FAM227A: variants seen among roughly 807,000 people sequenced by gnomAD.
FAM227A encodes family with sequence similarity 227 member A.
Under a neutral mutation model 74.7 loss-of-function variants are expected in FAM227A, and 80 were observed. That is an observed-to-expected ratio of 1.07 (90% CI 0.89 to 1.29). The LOEUF is 1.29. Among genes scored for constraint, FAM227A ranks in the 50% most tolerant of loss-of-function variants. FAM227A has a pLI of 0.00. For missense variants in FAM227A, 654 were observed against 683.4 expected (o/e 0.96, Z 0.48); for synonymous variants, 237 against 241.8 (o/e 0.98, Z 0.19).
chr22:38,638,826 C>A lies in FAM227A; in HGVS notation c.296-4G>T, dbSNP rs1696559313. The stretch of plus-strand genomic sequence containing the variant: ...TGAGATTTCCTTTGTCTCTTGACTG[C>A]AGAAAAATGGAGAAAGAGATAAATG... On this transcript the variant is annotated splice_polypyrimidine_tract_variant and splice_region_variant and intron_variant, in intron 4 of 16. Coordinates refer to ENST00000535113, the MANE Select transcript of FAM227A (RefSeq NM_001013647.2). 2.6e-6 allele frequency: 4 copies of A among 1,525,962 alleles called. No individual in the cohort carries two copies. The highest frequency in any genetic ancestry group is 2.6e-6 in the Non-Finnish European group (3 of 1,135,342). The allele number at this position is 1,525,962 out of a possible 1,614,324, so 94.5% of individuals were successfully genotyped here. A position where few individuals can be genotyped will look rare whatever the true frequency, so the allele number is the denominator to read the frequency against.
chr22:38,590,594 A>G (rs755385754), intron 16 of FAM227A, among the ~76,000 whole-genome samples: 1 of 152,186 alleles, frequency 6.6e-6, no homozygotes, highest in Non-Finnish European at 1.5e-5. Context: ...AAGCTGCTAC[A>G]TTCTCCTTCC....
chr22:38,630,115 C>A (rs1603017210), intron 6 of FAM227A, among the ~76,000 whole-genome samples: 1 of 151,366 alleles, frequency 6.6e-6, no homozygotes, highest in East Asian at 1.9e-4. Context: ...ATCACTCACA[C>A]ACAGGTGCCT....
rs745717182 is a variant in FAM227A, at chr22:38,605,353, C to T, written c.1127-5G>A. 103 of 1,517,678 alleles carry T rather than the reference C, an allele frequency of 6.8e-5. No individual in the cohort carries two copies. 94.0% of individuals were successfully genotyped at this position (1,517,678 alleles called of 1,614,324 possible). On this transcript the variant is annotated splice_region_variant and splice_polypyrimidine_tract_variant and intron_variant, in intron 12 of 16. Coordinates refer to ENST00000535113, the MANE Select transcript of FAM227A (RefSeq NM_001013647.2). ...CCAGGGTCTGACAATGATGCTCTGT[C>T]AATGTGACATTAGCAAGAAAATGAC...
chr22:38,599,945 A>G (rs1424011330), intron 13 of FAM227A, 24 bp from the exon 14 acceptor site: 1 of 1,524,144 alleles, frequency 6.6e-7, no homozygotes, highest in Admixed American at 2.2e-5. Flanking sequence ...AAAAAGGAAA[A>G]ATAAAGGATA....
chr22:38,620,296 A>G lies in FAM227A; in HGVS notation c.959-5T>C. The G allele has an allele frequency of 6.5e-7, 1 of 1,547,484 alleles. No individual in the cohort carries two copies. The highest frequency in any genetic ancestry group is 8.7e-7 in the Non-Finnish European group (1 of 1,143,196). ...CAAACAAAGAAAACTCTCTCCCTAT[A>G]GAAGGGGAAAAGCTGTTATTAATTC... On this transcript the variant is annotated splice_region_variant and splice_polypyrimidine_tract_variant and intron_variant, in intron 10 of 16. Transcript: ENST00000535113.
At chr22:38,610,932 C>T (rs1408265635) in intron 11 of FAM227A, among the ~76,000 whole-genome samples, 4 of 152,002 alleles carry the variant, frequency 2.6e-5, no homozygotes, top group Non-Finnish European at 5.9e-5. Context: ...TGGTGGCAGG[C>T]ACCTGTAACC....
At chr22:38,652,876 CAA>C (rs10554372) in intron 1 of FAM227A, among the ~76,000 whole-genome samples, 35,797 of 89,796 alleles carry the variant, frequency 0.4, 4,559 homozygotes, top group East Asian at 0.46. Flanking sequence ...GACTCCATCT[CAA>C]AAAAAAAAAA....
intron 11 of FAM227A, among the ~76,000 whole-genome samples, chr22:38,608,321 T>TG (rs2091335061): frequency 6.6e-6 from 1 of 152,238 alleles, no homozygotes; most frequent in East Asian, 1.9e-4. Flanking sequence ...GAGCAAACCC[T>TG]GTCTTTAAAT....
chr22:38,613,142 T>TA (rs2091466051), intron 11 of FAM227A, among the ~76,000 whole-genome samples: 1 of 88,238 alleles, frequency 1.1e-5, no homozygotes. Context: ...ATATAATATA[T>TA]ATATTATATA....
intron 11 of FAM227A, among the ~76,000 whole-genome samples, chr22:38,619,787 G>A (rs976218096): frequency 1.3e-5 from 2 of 152,258 alleles, no homozygotes; most frequent in African/African-American, 2.4e-5. Context: ...AAACTAGGGT[G>A]GTGGGAGTGG....
In FAM227A at chr22:38,580,188, G is replaced by T. The variant is rs890843801; in HGVS notation, c.*5937C>A. 1 of 152,218 alleles carries T rather than the reference G, an allele frequency of 6.6e-6. No homozygotes were observed. The highest frequency in any genetic ancestry group is 1.5e-5 in the Non-Finnish European group (1 of 68,076). 9.4% of individuals were successfully genotyped at this position (152,218 alleles called of 1,614,324 possible). On this transcript the variant is annotated 3_prime_UTR_variant, in exon 17 of 17. Transcript: ENST00000535113. The stretch of plus-strand genomic sequence containing the variant: ...TTCCACCTTGGCCTCCTAAAGTGCT[G>T]GGATTACAGGCATGGGCCACCATGC...
At chr22:38,588,944 GA>G (rs945935704) in intron 16 of FAM227A, among the ~76,000 whole-genome samples, 2 of 146,974 alleles carry the variant, frequency 1.4e-5, no homozygotes, top group African/African-American at 5.0e-5. Context: ...AAAAAAAAAA[GA>G]AAAAAAGAAG....
chr22:38,609,236 A>G (rs1328162135), intron 11 of FAM227A, among the ~76,000 whole-genome samples: 1 of 152,228 alleles, frequency 6.6e-6, no homozygotes, highest in Non-Finnish European at 1.5e-5. Context: ...CGACACATCC[A>G]CTTACATCTC....
chr22:38,617,704 A>G (rs1237239240), intron 11 of FAM227A, among the ~76,000 whole-genome samples: 1 of 152,214 alleles, frequency 6.6e-6, no homozygotes, highest in Non-Finnish European at 1.5e-5. Context: ...CCTAGGGTTT[A>G]AAGATTAGCG....
In FAM227A at chr22:38,602,447, A is replaced by T. The variant is rs760439592; in HGVS notation, c.1222-2526T>A. ...AACCTGGAGTTAGCAGGGAATTTATAGATCATTTGGTCCAGTGATTCTGAC... is the reference window on the plus strand; with the variant it reads ...AACCTGGAGTTAGCAGGGAATTTATTGATCATTTGGTCCAGTGATTCTGAC... On this transcript the variant is annotated intron_variant, in intron 13 of 16. Coordinates refer to ENST00000535113, the MANE Select transcript of FAM227A (RefSeq NM_001013647.2). 2.1e-3 allele frequency among the ~76,000 whole-genome samples: 317 copies of T among 152,082 alleles called. 3 individuals are homozygous for T. The highest frequency in any genetic ancestry group is 6.5e-4 in the Non-Finnish European group (44 of 67,992).
intron 6 of FAM227A, among the ~76,000 whole-genome samples, chr22:38,631,373 CG>C (rs1219508913): frequency 6.6e-6 from 1 of 151,748 alleles, no homozygotes; most frequent in South Asian, 2.1e-4. Flanking sequence ...ACAATAGACA[CG>C]GGGGACTCTC....
At chr22:38,642,993 T>C (rs57591164) in intron 3 of FAM227A, among the ~76,000 whole-genome samples, 6,300 of 150,120 alleles carry the variant, frequency 0.042, 208 homozygotes, top group East Asian at 0.11. Flanking sequence ...ATCTTAAAAC[T>C]CAACAATAAG....
At chr22:38,610,540 T>A (rs898594085) in intron 11 of FAM227A, among the ~76,000 whole-genome samples, 1 of 152,206 alleles carries the variant, frequency 6.6e-6, no homozygotes, top group Admixed American at 6.5e-5. Flanking sequence ...GTCTATTACC[T>A]GCTTTGTCAA....
At position 38,645,923 on chromosome 22, in the gene FAM227A, A is replaced by T. The variant is rs560254372; in HGVS notation, c.143-278T>A. Among the ~76,000 whole-genome samples, 23 of 152,068 alleles carry T rather than the reference A, an allele frequency of 1.5e-4. No individual in the cohort carries two copies. The East Asian group carries it at 3.7e-3, about 24-fold the overall frequency. Reference sequence around the variant, plus strand: ...CTCAGCCTCCCAAGTAGCTGGGACTACTGGCGCACACCACCACCCCTGGCC... The same window carrying T: ...CTCAGCCTCCCAAGTAGCTGGGACTTCTGGCGCACACCACCACCCCTGGCC... On this transcript the variant is annotated intron_variant, in intron 2 of 16. Coordinates refer to ENST00000535113, the MANE Select transcript of FAM227A (RefSeq NM_001013647.2).
Sources: gnomAD v4.1 joint callset for allele counts (sites outside exome capture counted in the v4.1 genomes callset) on GRCh38, gnomAD v4.1.1 for gene constraint, MANE v1.5 for transcripts, NCBI Gene and HGNC (gene_info 2026-07-23, HGNC 2026-07-21) for gene names.